Variants in RASSF7 observed in about 807,000 individuals in gnomAD.
The protein encoded by RASSF7 is ras association domain-containing protein 7.
A neutral mutation model predicts 33.8 loss-of-function variants in RASSF7; 41 were observed. The ratio of observed to expected loss-of-function variants is 1.21; its 90% CI spans 0.95 to 1.57. The LOEUF (loss-of-function observed/expected upper bound fraction) is 1.57, where lower values mean the gene tolerates loss of function less well. Ranked by LOEUF, RASSF7 falls within the 40% of genes most tolerant of loss-of-function variation. The probability of loss-of-function intolerance (pLI) is 0.00; values close to 1 mark genes in which losing one functional copy is unlikely to be tolerated. For missense variants in RASSF7, 622 were observed against 497.0 expected, an observed-to-expected ratio of 1.25 and a Z score of -2.39; for synonymous variants, 298 against 212.8, an observed-to-expected ratio of 1.40 and a Z score of -3.48.
chr11:562,339 A>G lies in RASSF7; in HGVS notation c.385A>G (p.Thr129Ala). 1 of 1,592,730 alleles carries G rather than the reference A, an allele frequency of 6.3e-7. No homozygotes were observed. Among genetic ancestry groups the G allele is most frequent in the Non-Finnish European group, 8.5e-7 (1 of 1,172,520 alleles). The change falls in exon 3 of 6, where the codon ACC becomes GCC. Residue 129 changes from threonine (T) to alanine (A), a missense_variant. Physicochemically the swap from Thr to Ala is moderately conservative, Grantham distance 58 (BLOSUM62 0). Transcript: ENST00000397583. ...GGGCTGTGAGCCCCGCAAAACACTG[A>G]CCCCCGAGCCAGCCCCCAGCCTCTC... ...ALGCEPRKTL[T>A]PEPAPSLSRP...
chr11:561,868 G>A lies in RASSF7; in HGVS notation c.100G>A (p.Val34Ile), dbSNP rs1044691477. Residue 34 changes from valine (V) to isoleucine (I), a missense_variant, in exon 2 of 6, where the codon GTC becomes ATC. By Grantham distance (29) the Val-to-Ile change is conservative. Coordinates refer to ENST00000397583, the MANE Select transcript of RASSF7 (RefSeq NM_003475.4). Reference protein sequence around the residue: ...VSEQTTCQEVVIALAQAIGQT... With the variant: ...VSEQTTCQEVIIALAQAIGQT... Reference sequence around the variant, plus strand: ...AGAGCAGACCACCTGCCAGGAAGTGGTCATCGCACTAGCCCAAGCAATAGG... The same window carrying A: ...AGAGCAGACCACCTGCCAGGAAGTGATCATCGCACTAGCCCAAGCAATAGG... 6.2e-7 allele frequency: 1 copy of A among 1,613,662 alleles called. No homozygotes were observed. The highest frequency in any genetic ancestry group is 8.5e-7 in the Non-Finnish European group (1 of 1,180,006).
At position 563,327 on chromosome 11, in the gene RASSF7, G is replaced by A; in HGVS notation, c.951+10G>A. On this transcript the variant is annotated intron_variant, in intron 4 of 5. Transcript: ENST00000397583. ...CCCTCCTGGCACTCAGGTCGGAGTG[G>A]TTCTGGGGGGAGGCTGGGAGGTGAG... 5 of 1,607,584 alleles carry A rather than the reference G, an allele frequency of 3.1e-6. No homozygotes were observed. Among genetic ancestry groups the A allele is most frequent in the Non-Finnish European group, 4.2e-6 (5 of 1,177,304 alleles).
rs1853278538 is a variant in RASSF7, at chr11:561,189, GC to G, written c.-295del. ...CGCCCTGCGGAACGGGGACGCCCTG[GC>G]TCCCGCCAGGCTGGGGTCGCGGCGC... On this transcript the variant is annotated 5_prime_UTR_variant, in exon 1 of 6. It removes the in-frame stop codon of an upstream open reading frame in the 5' UTR. Transcript: ENST00000397583. 1 of 984,856 alleles carries G rather than the reference GC, an allele frequency of 1.0e-6. No individual in the cohort carries two copies. The highest frequency in any genetic ancestry group is 1.2e-6 in the Non-Finnish European group (1 of 829,818). The allele number at this position is 984,856 out of a possible 1,614,324, so 61.0% of individuals were successfully genotyped here. A position where few individuals can be genotyped will look rare whatever the true frequency, so the allele number is the denominator to read the frequency against.
At position 561,136 on chromosome 11, in the gene RASSF7, A is replaced by C; in HGVS notation, c.-349A>C. The C allele has an allele frequency of 1.0e-6, 1 of 984,702 alleles. No homozygotes were observed. Among genetic ancestry groups the C allele is most frequent in the Non-Finnish European group, 1.2e-6 (1 of 829,804 alleles). The allele number at this position is 984,702 out of a possible 1,614,324, so 61.0% of individuals were successfully genotyped here. A position where few individuals can be genotyped will look rare whatever the true frequency, so the allele number is the denominator to read the frequency against. Reference sequence around the variant, plus strand: ...AGAGTTTTCCGCGATGCCCGGACGGAGAGCGGGGGCGGCGCCGCACCTGCG... The same window carrying C: ...AGAGTTTTCCGCGATGCCCGGACGGCGAGCGGGGGCGGCGCCGCACCTGCG... On this transcript the variant is annotated 5_prime_UTR_variant, in exon 1 of 6. Transcript: ENST00000397583.
Position 562,513 on chromosome 11 carries a change from C to A in RASSF7, c.559C>A (p.Arg187=), listed in dbSNP as rs762913066. ...GCTGCGCCGGGAGCAGGCCCGGGAG[C>A]GAGAGGGACAGGCACGCCTGCAGGC... ...QELRREQARE[R]EGQARLQALS... is the part of the protein sequence containing the mutation. Residue 187 remains arginine (R), a synonymous_variant, in exon 3 of 6, where the codon CGA becomes AGA. Coordinates refer to ENST00000397583, the MANE Select transcript of RASSF7 (RefSeq NM_003475.4). The A allele has an allele frequency of 6.5e-7, 1 of 1,549,508 alleles. No homozygotes were observed. The highest frequency in any genetic ancestry group is 8.7e-7 in the Non-Finnish European group (1 of 1,146,880).
intron 1 of RASSF7, 62 bp downstream of exon 1, chr11:561,539 G>A (rs1223336329): frequency 5.7e-6 from 8 of 1,407,308 alleles, no homozygotes; most frequent in Non-Finnish European, 6.5e-6. Flanking sequence ...GAGTGCGAGC[G>A]TGGCAAGAGG....
chr11:563,525 G>T lies in RASSF7; in HGVS notation c.1035-33G>T, dbSNP rs750461001. ...CCCTGGGGCACCGGGCCCTCCTGTG[G>T]CTGCAGCCACCTCAGCCTGTGTCCT... On this transcript the variant is annotated intron_variant, in intron 5 of 5. Transcript: ENST00000397583. The T allele has an allele frequency of 3.1e-6, 5 of 1,610,364 alleles. No homozygotes were observed. The Admixed American group carries it at 8.4e-5, about 27-fold the overall frequency.
Position 563,873 on chromosome 11 carries a change from G to T in RASSF7, c.*228G>T. The T allele has an allele frequency of 1.7e-6, 1 of 590,832 alleles. No individual in the cohort carries two copies. Among genetic ancestry groups the T allele is most frequent in the East Asian group, 2.8e-5 (1 of 35,812 alleles). 36.6% of individuals were successfully genotyped at this position (590,832 alleles called of 1,614,324 possible). On this transcript the variant is annotated 3_prime_UTR_variant, in exon 6 of 6. Coordinates refer to ENST00000397583, the MANE Select transcript of RASSF7 (RefSeq NM_003475.4). Reference sequence around the variant, plus strand: ...CCCCAAAGGCCACGACTGCCTGTTGGGGACAGGAGATGCATGGACAGTGTG... The same window carrying T: ...CCCCAAAGGCCACGACTGCCTGTTGTGGACAGGAGATGCATGGACAGTGTG...
In RASSF7 at chr11:562,584, G is replaced by A. The variant is rs1169796578; in HGVS notation, c.630G>A (p.Leu210=). 1.3e-6 allele frequency: 2 copies of A among 1,543,692 alleles called. No homozygotes were observed. The highest frequency in any genetic ancestry group is 2.0e-5 in the Admixed American group (1 of 50,948). The change falls in exon 3 of 6, where the codon CTG becomes CTA. Residue 210 remains leucine (L), a synonymous_variant. Transcript: ENST00000397583. ...AGCATGCCGCCCGGCTGCAGGCCCT[G>A]GACGCTCAGGCCCGTGCCCTGGAGG... is the stretch of plus-strand genomic sequence containing the variant. ...TAEHAARLQA[L]DAQARALEAE...
At chr11:561,694 A>G in intron 1 of RASSF7, 68 bp from the exon 2 acceptor site, 3 of 1,599,432 alleles carry the variant, frequency 1.9e-6, no homozygotes, top group Non-Finnish European at 2.6e-6. Context: ...CAAGAGGATG[A>G]GGAGAGGAGG....
rs1853270970 is a variant in RASSF7 at position 561,096 on chromosome 11, C to T, written c.-389C>T. 9.1e-6 allele frequency: 9 copies of T among 986,120 alleles called. No homozygotes were observed. The highest frequency in any genetic ancestry group is 8.4e-6 in the Non-Finnish European group (7 of 830,726). The allele number at this position is 986,120 out of a possible 1,614,324, so 61.1% of individuals were successfully genotyped here. On this transcript the variant is annotated 5_prime_UTR_variant, in exon 1 of 6. Transcript: ENST00000397583. The stretch of plus-strand genomic sequence containing the variant: ...GGCGCGCCTCGAGCCGGCCGGACGC[C>T]GACTCCAACTGGGGAGAGTTTTCCG...
chr11:563,049 C>T, intron 3 of RASSF7, 140 bp from the exon 4 acceptor site: 1 of 851,568 alleles, frequency 1.2e-6, no homozygotes, highest in Non-Finnish European at 1.8e-6. Flanking sequence ...GCCCGGGGAC[C>T]TGATCCCCTG....
At chr11:561,575 G>A in intron 1 of RASSF7, 98 bp downstream of exon 1, 2 of 1,390,756 alleles carry the variant, frequency 1.4e-6, no homozygotes, top group Non-Finnish European at 9.5e-7. Flanking sequence ...GGGAGGATGC[G>A]TGCTCCGGAG....
chr11:561,491 G>A lies in RASSF7; in HGVS notation c.-8+14G>A, dbSNP rs1853300056. ...CCTCCGAGCCAGGTGAGGCGAGTAG[G>A]AAATGCTGGATCTGGTTAATGATTC... On this transcript the variant is annotated intron_variant, in intron 1 of 5. Transcript: ENST00000397583. The A allele has an allele frequency of 2.3e-6, 3 of 1,332,220 alleles. No homozygotes were observed. The highest frequency in any genetic ancestry group is 2.9e-6 in the Non-Finnish European group (3 of 1,035,804). 82.5% of individuals were successfully genotyped at this position (1,332,220 alleles called of 1,614,324 possible).
chr11:561,906 G>T lies in RASSF7; in HGVS notation c.124+14G>T, dbSNP rs779717874. 4 of 1,612,812 alleles carry T rather than the reference G, an allele frequency of 2.5e-6. No homozygotes were observed. The highest frequency in any genetic ancestry group is 3.4e-6 in the Non-Finnish European group (4 of 1,179,712). ...CCCAAGCAATAGGTGAGTCCTCTCG[G>T]GGTCAGGCAGGCCGGGCAGGTAGAG... On this transcript the variant is annotated intron_variant, in intron 2 of 5. Transcript: ENST00000397583.
chr11:563,566 A>C lies in RASSF7; in HGVS notation c.1043A>C (p.His348Pro). The C allele has an allele frequency of 6.2e-7, 1 of 1,612,060 alleles. No individual in the cohort carries two copies. The highest frequency in any genetic ancestry group is 8.5e-7 in the Non-Finnish European group (1 of 1,179,832). The change falls in exon 6 of 6, where the codon CAT (histidine) becomes CCT (proline). Residue 348 changes from histidine (H) to proline (P), a missense_variant. Physicochemically the swap from His to Pro is moderately conservative, Grantham distance 77 (BLOSUM62 -2). Transcript: ENST00000397583. Reference protein sequence around the residue: ...GAQPRPRGGPHDAELLEVAAA... With the variant: ...GAQPRPRGGPPDAELLEVAAA... ...CCTGTGTCCTCCCGCAGTGGCCCCCATGACGCAGAACTCCTGGAGGTAGCA... is the reference window on the plus strand; with the variant it reads ...CCTGTGTCCTCCCGCAGTGGCCCCCCTGACGCAGAACTCCTGGAGGTAGCA...
Position 563,225 on chromosome 11 carries a change from C to T in RASSF7, c.859C>T (p.Leu287Phe), listed in dbSNP as rs1347584910. 1.9e-6 allele frequency: 3 copies of T among 1,601,632 alleles called. No homozygotes were observed. The highest frequency in any genetic ancestry group is 2.2e-5 in the South Asian group (2 of 90,252). Residue 287 changes from leucine (L) to phenylalanine (F), a missense_variant, in exon 4 of 6, where the codon CTC becomes TTC. Transcript: ENST00000397583. The part of the protein sequence containing the change: ...AQELEELNRE[L>F]RQCNLQQFIQ... ...GGAGCTGGAGGAGCTGAACCGAGAG[C>T]TCCGTCAGTGCAACCTGCAGCAGTT...
chr11:562,826 C>A lies in RASSF7; in HGVS notation c.822+50C>A, dbSNP rs775444140. 4.4e-6 allele frequency: 6 copies of A among 1,363,690 alleles called. No homozygotes were observed. The South Asian group carries it at 8.9e-5, about 20-fold the overall frequency. 84.5% of individuals were successfully genotyped at this position (1,363,690 alleles called of 1,614,324 possible). On this transcript the variant is annotated intron_variant, in intron 3 of 5. Transcript: ENST00000397583. The stretch of plus-strand genomic sequence containing the variant: ...GTCACTCCCCCACCCCTGATATGGG[C>A]AGATACGGGGATCACAGGGTCCCAC...
rs1009962517 is a variant in RASSF7 at position 561,237 on chromosome 11, G to C, written c.-248G>C. The C allele has an allele frequency of 6.1e-6, 6 of 985,306 alleles. No individual in the cohort carries two copies. The allele number at this position is 985,306 out of a possible 1,614,324, so 61.0% of individuals were successfully genotyped here. ...GCGCGGGCTTCGGTGCCCGCGGCGG[G>C]GACCGGGACTTTCGGGGCGAGCGCA... On this transcript the variant is annotated 5_prime_UTR_variant, in exon 1 of 6. Transcript: ENST00000397583.
Sources: allele counts gnomAD v4.1 joint callset, GRCh38; gene constraint gnomAD v4.1.1; transcripts MANE v1.5; gene names NCBI Gene and HGNC (gene_info 2026-07-23, HGNC 2026-07-21).